Variants in CLMP observed in about 807,000 individuals in gnomAD.
The protein encoded by CLMP is CXADR like cell adhesion molecule.
Under a neutral mutation model 45.2 loss-of-function variants are expected in CLMP, and 27 were observed. The ratio of observed to expected loss-of-function variants is 0.60; its 90% CI spans 0.44 to 0.82. CLMP has a LOEUF of 0.82. Ranked by LOEUF, CLMP falls within the 40% of genes least tolerant of loss-of-function variation. CLMP has a pLI of 0.00. For missense variants in CLMP, 403 were observed against 448.4 expected, an observed-to-expected ratio of 0.90 and a Z score of 0.91; for synonymous variants, 167 against 171.4, an observed-to-expected ratio of 0.97 and a Z score of 0.20.
intron 5 of CLMP, among the ~76,000 whole-genome samples, chr11:123,079,185 T>A (rs1002702695): frequency 6.6e-6 from 1 of 152,230 alleles, no homozygotes; most frequent in African/African-American, 2.4e-5. Flanking sequence ...TACTTTAATA[T>A]ATTTACCCCT....
chr11:123,102,707 CTTT>C (rs34392557), intron 1 of CLMP, among the ~76,000 whole-genome samples: 9,307 of 92,798 alleles, frequency 0.1, 201 homozygotes, highest in East Asian at 0.17. Flanking sequence ...TCCCGAGTAG[CTTT>C]TTTTTTTTTT....
At chr11:123,133,201 G>A (rs1333474687) in intron 1 of CLMP, among the ~76,000 whole-genome samples, 1 of 152,170 alleles carries the variant, frequency 6.6e-6, no homozygotes, top group Non-Finnish European at 1.5e-5. Context: ...AAATGAGGCT[G>A]GAAAAGCGTA....
At chr11:123,167,412 A>G (rs1016893843) in intron 1 of CLMP, among the ~76,000 whole-genome samples, 4 of 152,058 alleles carry the variant, frequency 2.6e-5, no homozygotes, top group African/African-American at 9.7e-5. Flanking sequence ...CAGCCTCCTG[A>G]GTAGCTGGGA....
intron 1 of CLMP, among the ~76,000 whole-genome samples, chr11:123,144,733 AAAG>A (rs1861214020): frequency 6.6e-6 from 1 of 152,200 alleles, no homozygotes; most frequent in African/African-American, 2.4e-5. Flanking sequence ...TTGTGACAGA[AAAG>A]AAGTCATATA....
intron 1 of CLMP, chr11:123,188,846 G>A (rs921131293): frequency 2.6e-5 from 4 of 152,232 alleles, no homozygotes; most frequent in African/African-American, 9.7e-5. Context: ...ACTTGAAGGG[G>A]AGGAAGCTAT....
rs1204348415 is a variant in CLMP, at chr11:123,109,496, G to A, written c.29-11544C>T. ...TTTATTATTTTTCCTTCCCCACACCGAAGATGATTGTCTTTTCCTTGAAAC... is the reference window on the plus strand; with the variant it reads ...TTTATTATTTTTCCTTCCCCACACCAAAGATGATTGTCTTTTCCTTGAAAC... On this transcript the variant is annotated intron_variant, in intron 1 of 6. Coordinates refer to ENST00000448775, the MANE Select transcript of CLMP (RefSeq NM_024769.5). 2.6e-5 allele frequency among the ~76,000 whole-genome samples: 4 copies of A among 152,166 alleles called. No homozygotes were observed. The East Asian group carries it at 5.8e-4, about 22-fold the overall frequency.
chr11:123,087,997 G>A (rs1313235284), intron 2 of CLMP, among the ~76,000 whole-genome samples: 2 of 149,830 alleles, frequency 1.3e-5, no homozygotes, highest in South Asian at 4.4e-4. Context: ...CACAACCTCC[G>A]CCTCCCGGGT....
chr11:123,133,875 T>C (rs866517566), intron 1 of CLMP, among the ~76,000 whole-genome samples: 5 of 152,148 alleles, frequency 3.3e-5, no homozygotes, highest in South Asian at 2.1e-4. Context: ...TTCCCATGAT[T>C]TTTTACTCTT....
intron 1 of CLMP, among the ~76,000 whole-genome samples, chr11:123,099,814 T>C (rs764713144): frequency 6.0e-4 from 92 of 152,294 alleles, no homozygotes; most frequent in Middle Eastern, 3.4e-3. Flanking sequence ...AAGTCCTTTC[T>C]TGCCGCAGTG....
intron 1 of CLMP, among the ~76,000 whole-genome samples, chr11:123,116,494 G>A (rs1287508526): frequency 6.6e-6 from 1 of 150,944 alleles, no homozygotes; most frequent in African/African-American, 2.4e-5. Context: ...CTTGAACCCA[G>A]GAGGTGGAGG....
intron 1 of CLMP, among the ~76,000 whole-genome samples, chr11:123,160,598 A>T (rs555981702): frequency 6.6e-6 from 1 of 152,252 alleles, no homozygotes; most frequent in African/African-American, 2.4e-5. Flanking sequence ...GTTTTCTAAG[A>T]TGTATAATAG....
intron 5 of CLMP, 79 bp from the exon 6 acceptor site, chr11:123,074,922 T>A: frequency 6.8e-7 from 1 of 1,468,784 alleles, no homozygotes; most frequent in Non-Finnish European, 9.2e-7. Context: ...AAACATAAGC[T>A]CTGGACAGAA....
chr11:123,108,585 A>G (rs923966232), intron 1 of CLMP, among the ~76,000 whole-genome samples: 53 of 151,944 alleles, frequency 3.5e-4, no homozygotes, highest in Admixed American at 2.4e-3. Flanking sequence ...GGATGGGGAA[A>G]GGGAATGAGG....
At chr11:123,118,569 C>T (rs1860748385) in intron 1 of CLMP, among the ~76,000 whole-genome samples, 1 of 152,292 alleles carries the variant, frequency 6.6e-6, no homozygotes, top group South Asian at 2.1e-4. Flanking sequence ...AATTAAAAAC[C>T]TGGACCTCGA....
chr11:123,185,957 T>C (rs1861828930), intron 1 of CLMP, among the ~76,000 whole-genome samples: 1 of 152,176 alleles, frequency 6.6e-6, no homozygotes. Flanking sequence ...GCCTGGAAAC[T>C]GGGGGTGAGG....
chr11:123,130,105 G>A (rs1860964054), intron 1 of CLMP, among the ~76,000 whole-genome samples: 1 of 152,126 alleles, frequency 6.6e-6, no homozygotes, highest in South Asian at 2.1e-4. Context: ...CTCTTCATAG[G>A]AATGCAGATG....
At chr11:123,187,867 G>A (rs891848347) in intron 1 of CLMP, among the ~76,000 whole-genome samples, 18 of 152,090 alleles carry the variant, frequency 1.2e-4, no homozygotes, top group Admixed American at 1.1e-3. Flanking sequence ...CATTTCTGAC[G>A]CTGATGGGTG....
chr11:123,112,584 C>G (rs548080403), intron 1 of CLMP, among the ~76,000 whole-genome samples: 1 of 152,148 alleles, frequency 6.6e-6, no homozygotes, highest in Non-Finnish European at 1.5e-5. Flanking sequence ...TGAGCCCCCC[C>G]ACCTCGGCCT....
chr11:123,148,965 C>T (rs1262670236), intron 1 of CLMP, among the ~76,000 whole-genome samples: 3 of 152,242 alleles, frequency 2.0e-5, no homozygotes, highest in Middle Eastern at 3.4e-3. Flanking sequence ...TATATCCTTA[C>T]GGAGCATTCA....
Sources: gnomAD v4.1 joint callset for allele counts (sites outside exome capture counted in the v4.1 genomes callset) on GRCh38, gnomAD v4.1.1 for gene constraint, MANE v1.5 for transcripts, NCBI Gene and HGNC (gene_info 2026-07-23, HGNC 2026-07-21) for gene names.